The following ELF2 variants were observed in gnomAD, a reference collection of about 807,000 sequenced individuals.
ELF2 encodes the protein ETS-related transcription factor Elf-2.
Under a neutral mutation model 54.8 loss-of-function variants are expected in ELF2, and 11 were observed. The ratio of observed to expected loss-of-function variants is 0.20; its 90% CI spans 0.13 to 0.33. The LOEUF is 0.33. Ranked by LOEUF, ELF2 falls within the 10% of genes least tolerant of loss-of-function variation. The pLI, the probability that ELF2 is intolerant of heterozygous loss-of-function variation, is 1.00. For missense variants in ELF2, 513 were observed against 703.0 expected, an observed-to-expected ratio of 0.73 and a Z score of 3.06; for synonymous variants, 203 against 245.1, an observed-to-expected ratio of 0.83 and a Z score of 1.61.
At chr4:139,112,697 C>T (rs1372868778) in intron 4 of ELF2, among the ~76,000 whole-genome samples, 1 of 151,990 alleles carries the variant, frequency 6.6e-6, no homozygotes, top group East Asian at 1.9e-4. Flanking sequence ...TGTTGTATAG[C>T]AAAAATTTTT....
At chr4:139,094,892 AC>A (rs1331448237) in intron 4 of ELF2, among the ~76,000 whole-genome samples, 2 of 151,928 alleles carry the variant, frequency 1.3e-5, no homozygotes, top group Admixed American at 6.6e-5. Context: ...TTGTTTTTTT[AC>A]TATTATCAAT....
rs1727650219 is a variant in ELF2 at position 139,060,350 on chromosome 4, T to C, written c.1131A>G (p.Ala377=). The change falls in exon 9 of 10, where the codon GCA becomes GCG. Residue 377 remains alanine, a synonymous_variant. Coordinates refer to ENST00000686138, the MANE Select transcript of ELF2 (RefSeq NM_001331036.3). ...TTGGAGCTGCTGTTGCTGACACAGA[T>C]GCAGTGGTAGTAGGAGACCTGGATG... ...DASSRSPTTT[A]SVSATAAPRT... is the part of the protein sequence containing the mutation. 8 of 1,610,978 alleles carry C rather than the reference T, an allele frequency of 5.0e-6. No homozygotes were observed. The highest frequency in any genetic ancestry group is 1.1e-5 in the South Asian group (1 of 90,628).
intron 1 of ELF2, among the ~76,000 whole-genome samples, chr4:139,151,032 A>AAAAAAGAAAGAAAG (rs1301387000): frequency 9.8e-6 from 1 of 102,510 alleles, no homozygotes; most frequent in Non-Finnish European, 1.8e-5. Context: ...TCAAAAAAAA[A>AAAAAAGAAAGAAAG]AAAGAAAGAA....
chr4:139,062,166 T>C lies in ELF2; in HGVS notation c.614-109A>G, dbSNP rs917508519. On this transcript the variant is annotated intron_variant, in intron 7 of 9. Transcript: ENST00000686138. ...GTATCATAAAAATCCTGAATATACT[T>C]GTTTCTACTTTTTTTTTTTTTGGAG... 9 of 1,172,808 alleles carry C rather than the reference T, an allele frequency of 7.7e-6. No individual in the cohort carries two copies. In the Admixed American group the frequency reaches 2.6e-4, roughly 33 times the overall value. The allele number at this position is 1,172,808 out of a possible 1,614,324, so 72.7% of individuals were successfully genotyped here. A position where few individuals can be genotyped will look rare whatever the true frequency, so the allele number is the denominator to read the frequency against.
chr4:139,099,570 C>G (rs1332922788), intron 4 of ELF2, among the ~76,000 whole-genome samples: 1 of 152,204 alleles, frequency 6.6e-6, no homozygotes, highest in Admixed American at 6.5e-5. Flanking sequence ...ACAACTACCA[C>G]CAGGTGGCAC....
intron 1 of ELF2, among the ~76,000 whole-genome samples, chr4:139,140,485 G>A (rs1022284868): frequency 6.6e-6 from 1 of 152,156 alleles, no homozygotes; most frequent in African/African-American, 2.4e-5. Context: ...TGGGCAAGGT[G>A]GCTCAGGCCT....
chr4:139,168,966 G>T (rs1741982785), intron 1 of ELF2, among the ~76,000 whole-genome samples: 2 of 152,246 alleles, frequency 1.3e-5, no homozygotes, highest in South Asian at 4.1e-4. Context: ...AGCCAGGGAA[G>T]GCCATGAAAG....
chr4:139,162,940 A>T (rs1435196132), intron 1 of ELF2, among the ~76,000 whole-genome samples: 1 of 151,960 alleles, frequency 6.6e-6, no homozygotes, highest in African/African-American at 2.4e-5. Flanking sequence ...CTACAAAAAA[A>T]ATTTTACACT....
chr4:139,079,628 T>C (rs1730816393), intron 4 of ELF2, among the ~76,000 whole-genome samples: 1 of 152,024 alleles, frequency 6.6e-6, no homozygotes, highest in South Asian at 2.1e-4. Context: ...ATTATGATTC[T>C]AGCCTAGGAG....
intron 4 of ELF2, among the ~76,000 whole-genome samples, chr4:139,080,028 A>G (rs1560781738): frequency 6.6e-6 from 1 of 152,376 alleles, no homozygotes; most frequent in East Asian, 1.9e-4. Context: ...CATCCTTTTG[A>G]ACATTTTGCT....
intron 4 of ELF2, among the ~76,000 whole-genome samples, chr4:139,077,575 T>C (rs1268264541): frequency 3.9e-5 from 6 of 152,186 alleles, no homozygotes; most frequent in Non-Finnish European, 7.4e-5. Context: ...GTGAGCACTA[T>C]CTTTTTATTT....
intron 1 of ELF2, among the ~76,000 whole-genome samples, chr4:139,165,261 T>C (rs35398217): frequency 0.012 from 1,832 of 152,368 alleles, 12 homozygotes; most frequent in East Asian, 0.039. Flanking sequence ...TGATTATTAC[T>C]GTGGTTAAAT....
At chr4:139,111,315 AT>A (rs1734921577) in intron 4 of ELF2, among the ~76,000 whole-genome samples, 10 of 152,202 alleles carry the variant, frequency 6.6e-5, no homozygotes, top group Admixed American at 4.6e-4. Flanking sequence ...AAAGAAATAT[AT>A]TAACTTACGC....
intron 3 of ELF2, among the ~76,000 whole-genome samples, chr4:139,132,303 T>C (rs1737569613): frequency 6.6e-6 from 1 of 152,226 alleles, no homozygotes; most frequent in African/African-American, 2.4e-5. Flanking sequence ...CCTCACCAGA[T>C]GAAAATCTTT....
chr4:139,139,468 G>C lies in ELF2; in HGVS notation c.-222C>G, dbSNP rs1158815093. On this transcript the variant is annotated 5_prime_UTR_variant, in exon 2 of 10. Coordinates refer to ENST00000686138, the MANE Select transcript of ELF2 (RefSeq NM_001331036.3). The stretch of plus-strand genomic sequence containing the variant: ...TCACTATTTTCACAACTTGGGAAGA[G>C]CTAAAATCTGAACCAGTAGTTCTTT... 1 of 1,229,688 alleles carries C rather than the reference G, an allele frequency of 8.1e-7. No homozygotes were observed. The highest frequency in any genetic ancestry group is 1.6e-5 in the African/African-American group (1 of 64,410). 76.2% of individuals were successfully genotyped at this position (1,229,688 alleles called of 1,614,324 possible). A position where few individuals can be genotyped will look rare whatever the true frequency, so the allele number is the denominator to read the frequency against.
At chr4:139,071,276 A>G (rs1400965394) in intron 6 of ELF2, among the ~76,000 whole-genome samples, 1 of 151,806 alleles carries the variant, frequency 6.6e-6, no homozygotes, top group Non-Finnish European at 1.5e-5. Flanking sequence ...TAAATGATAT[A>G]TATATTTAGT....
intron 1 of ELF2, among the ~76,000 whole-genome samples, chr4:139,146,381 C>CA (rs1739226583): frequency 6.6e-6 from 1 of 152,146 alleles, no homozygotes; most frequent in Non-Finnish European, 1.5e-5. Context: ...ATAGATAACA[C>CA]AAACAAATGG....
At chr4:139,095,208 A>G (rs1359744536) in intron 4 of ELF2, among the ~76,000 whole-genome samples, 1 of 146,824 alleles carries the variant, frequency 6.8e-6, no homozygotes, top group Non-Finnish European at 1.5e-5. Context: ...TTTTTGAGAC[A>G]GAGTCTCATT....
intron 1 of ELF2, among the ~76,000 whole-genome samples, chr4:139,162,824 T>C (rs1578968601): frequency 6.6e-6 from 1 of 152,014 alleles, no homozygotes; most frequent in African/African-American, 2.4e-5. Flanking sequence ...AGTCTAGGCA[T>C]AGTGGCTCAC....
Sources: gnomAD v4.1 joint callset for allele counts (sites outside exome capture counted in the v4.1 genomes callset) on GRCh38, gnomAD v4.1.1 for gene constraint, MANE v1.5 for transcripts, NCBI Gene and HGNC (gene_info 2026-07-23, HGNC 2026-07-21) for gene names.